RPH3AL: variants seen among roughly 807,000 people sequenced by gnomAD.
RPH3AL encodes the protein rab effector Noc2.
Under a neutral mutation model 43.1 loss-of-function variants are expected in RPH3AL, and 38 were observed. That is an observed-to-expected ratio of 0.88 (90% CI 0.68 to 1.15). RPH3AL has a LOEUF of 1.15. Among genes scored for constraint, RPH3AL ranks in the 50% most tolerant of loss-of-function variants. The pLI, the probability that RPH3AL is intolerant of heterozygous loss-of-function variation, is 0.00. For missense variants in RPH3AL, 462 were observed against 423.2 expected (o/e 1.09, Z -0.81); for synonymous variants, 189 against 176.3 (o/e 1.07, Z -0.57).
intron 6 of RPH3AL, among the ~76,000 whole-genome samples, chr17:259,182 G>A (rs2042142542): frequency 1.3e-5 from 2 of 152,182 alleles, no homozygotes; most frequent in Non-Finnish European, 2.9e-5. Context: ...ATCCAGCATG[G>A]CTGGTGATCT....
intron 5 of RPH3AL, among the ~76,000 whole-genome samples, chr17:316,367 T>C (rs1555518547): frequency 1.1e-4 from 16 of 141,132 alleles, no homozygotes; most frequent in African/African-American, 4.4e-4. Context: ...TCCACCTCCA[T>C]TGACCTGTAG....
chr17:254,379 T>C (rs78908209), intron 6 of RPH3AL, among the ~76,000 whole-genome samples: 5 of 5,144 alleles, frequency 9.7e-4, no homozygotes, highest in South Asian at 5.6e-3. Flanking sequence ...TGAGGGGAGC[T>C]GCACGGCGTC....
rs1555538824 is a variant in RPH3AL at position 244,389 on chromosome 17, G to C, written c.613+2722C>G. ...GGGAGCTACAGGTGCATGAGCCTAA[G>C]AGATGTGGGATGTAGGGAGAGGGAG... On this transcript the variant is annotated intron_variant, in intron 7 of 9. Transcript: ENST00000331302. 3.3e-5 allele frequency among the ~76,000 whole-genome samples: 5 copies of C among 152,146 alleles called. No homozygotes were observed. The South Asian group carries it at 6.2e-4, about 19-fold the overall frequency.
At chr17:219,939 G>T (rs1359585322) in intron 7 of RPH3AL, among the ~76,000 whole-genome samples, 2 of 152,222 alleles carry the variant, frequency 1.3e-5, no homozygotes, top group Non-Finnish European at 2.9e-5. Context: ...GAGTCCTGAT[G>T]TGAGGAGGCT....
At chr17:294,095 C>T (rs12940213) in intron 5 of RPH3AL, among the ~76,000 whole-genome samples, 13,395 of 152,136 alleles carry the variant, frequency 0.088, 565 homozygotes, top group Middle Eastern at 0.14. Flanking sequence ...AAGCACAGGA[C>T]GTGGGGCTTG....
intron 5 of RPH3AL, among the ~76,000 whole-genome samples, chr17:303,308 T>C (rs1297304594): frequency 1.3e-5 from 2 of 151,840 alleles, no homozygotes; most frequent in African/African-American, 4.8e-5. Flanking sequence ...GGAGGATCAC[T>C]GGAGCCCAGA....
At chr17:268,070 A>T (rs1382877462) in intron 6 of RPH3AL, among the ~76,000 whole-genome samples, 4 of 152,156 alleles carry the variant, frequency 2.6e-5, no homozygotes, top group Admixed American at 2.6e-4. Flanking sequence ...TTTCTAGTTT[A>T]AAAAAACCTT....
chr17:314,490 G>T (rs545803057), intron 5 of RPH3AL, among the ~76,000 whole-genome samples: 1 of 136,812 alleles, frequency 7.3e-6, no homozygotes, highest in Non-Finnish European at 1.6e-5. Flanking sequence ...TTGACCTGTA[G>T]TCCCTATACT....
chr17:258,759 T>G (rs909512564), intron 6 of RPH3AL, among the ~76,000 whole-genome samples: 16,544 of 127,646 alleles, frequency 0.13, 1,361 homozygotes, highest in Non-Finnish European at 0.14. Context: ...GTCAACCCGT[T>G]TTTTTTTTTT....
At chr17:235,622 C>T (rs1194588424) in intron 7 of RPH3AL, among the ~76,000 whole-genome samples, 5 of 139,486 alleles carry the variant, frequency 3.6e-5, no homozygotes, top group Admixed American at 7.3e-5. Context: ...CTGGGGTCGG[C>T]GGAGGCTCCA....
At chr17:262,104 A>T (rs1597963286) in intron 6 of RPH3AL, 1 of 152,344 alleles carries the variant, frequency 6.6e-6, no homozygotes, top group Middle Eastern at 3.4e-3. Context: ...AGAAATTCAG[A>T]GTTAAAAAGG....
At chr17:243,035 AATACCATCCT>A (rs2041611831) in intron 7 of RPH3AL, among the ~76,000 whole-genome samples, 2 of 109,000 alleles carry the variant, frequency 1.8e-5, no homozygotes, top group African/African-American at 3.7e-5. Flanking sequence ...TCCTCTATTG[AATACCATCCT>A]CTATTGATTA....
intron 7 of RPH3AL, among the ~76,000 whole-genome samples, chr17:237,806 A>AG (rs1336865664): frequency 6.6e-6 from 1 of 152,208 alleles, no homozygotes; most frequent in Admixed American, 6.5e-5. Context: ...CACTGGCTTC[A>AG]GGCCCCTGGT....
At position 323,966 on chromosome 17, in the gene RPH3AL, C is replaced by T. The variant is rs990721352; in HGVS notation, c.78-2551G>A. Among the ~76,000 whole-genome samples, 25 of 151,564 alleles carry T rather than the reference C, an allele frequency of 1.6e-4. No homozygotes were observed. The highest frequency in any genetic ancestry group is 3.4e-3 in the Middle Eastern group (1 of 292). On this transcript the variant is annotated intron_variant, in intron 3 of 9. Coordinates refer to ENST00000331302, the MANE Select transcript of RPH3AL (RefSeq NM_006987.4). The surrounding 1 kb of genome is among the most constrained non-coding windows in gnomAD (Gnocchi z 4.4). ...CCCGAGAGGCAGGCCTGGACCCTCA[C>T]AGTCATCCCACAAGGCAGGCCTAGA... is the stretch of plus-strand genomic sequence containing the variant.
chr17:216,348 A>T (rs957275556), intron 8 of RPH3AL, among the ~76,000 whole-genome samples: 2 of 152,120 alleles, frequency 1.3e-5, no homozygotes, highest in African/African-American at 4.8e-5. Context: ...GATCACCAAC[A>T]TGAAAGTCCA....
chr17:290,563 C>A lies in RPH3AL; in HGVS notation c.352-8709G>T, dbSNP rs564528084. 3.9e-5 allele frequency among the ~76,000 whole-genome samples: 6 copies of A among 152,256 alleles called. No individual in the cohort carries two copies. The South Asian group carries it at 8.3e-4, about 21-fold the overall frequency. On this transcript the variant is annotated intron_variant, in intron 5 of 9. Coordinates refer to ENST00000331302, the MANE Select transcript of RPH3AL (RefSeq NM_006987.4). The surrounding 1 kb of genome is among the most constrained non-coding windows in gnomAD (Gnocchi z 4.2). ...ACTTCAGTGACATTTCTGCTTCCTG[C>A]GACTCCCCGTCCCACCCCTTCTCCT...
At chr17:267,084 A>C (rs1341429438) in intron 6 of RPH3AL, among the ~76,000 whole-genome samples, 1 of 152,164 alleles carries the variant, frequency 6.6e-6, no homozygotes, top group Non-Finnish European at 1.5e-5. Flanking sequence ...AGGTCCCTAC[A>C]AGCTGCTGAG....
In RPH3AL at chr17:333,449, C is replaced by A; in HGVS notation, c.-37+310G>T. ...TAAAATTGGGTTCTTACTGCATACG[C>A]TGCTTGCTGGTTTCTAAATAAAATT... On this transcript the variant is annotated intron_variant, in intron 2 of 9. Transcript: ENST00000331302. This position sits in a 1 kb window ranked among gnomAD's most constrained non-coding sequence, Gnocchi z 4.5. 1 of 472,208 alleles carries A rather than the reference C, an allele frequency of 2.1e-6. No homozygotes were observed. Among genetic ancestry groups the A allele is most frequent in the Non-Finnish European group, 3.5e-6 (1 of 286,004 alleles). The allele number at this position is 472,208 out of a possible 1,614,324, so 29.3% of individuals were successfully genotyped here.
Position 274,222 on chromosome 17 carries a change from G to A in RPH3AL, c.438+7546C>T, listed in dbSNP as rs1056283665. ...CATGAAAGCACGTGGAAAAGGCACC[G>A]CGAAACCCCAGCCCGGGGCCTCTGA... On this transcript the variant is annotated intron_variant, in intron 6 of 9. Coordinates refer to ENST00000331302, the MANE Select transcript of RPH3AL (RefSeq NM_006987.4). The surrounding 1 kb of genome is among the most constrained non-coding windows in gnomAD (Gnocchi z 4.7). 7.2e-5 allele frequency among the ~76,000 whole-genome samples: 11 copies of A among 152,352 alleles called. No homozygotes were observed. Among genetic ancestry groups the A allele is most frequent in the African/African-American group, 2.2e-4 (9 of 41,594 alleles).
Sources: gnomAD v4.1 joint callset for allele counts (sites outside exome capture counted in the v4.1 genomes callset) on GRCh38, gnomAD v4.1.1 for gene constraint, Gnocchi (gnomAD v3.1) non-coding constraint, MANE v1.5 for transcripts, NCBI Gene and HGNC (gene_info 2026-07-23, HGNC 2026-07-21) for gene names.